The following ADAM18 variants were observed in gnomAD, a reference collection of about 807,000 sequenced individuals.
ADAM18 encodes the protein ADAM metallopeptidase domain 18, also known as disintegrin and metalloproteinase domain-containing protein 18.
Under a neutral mutation model 94.4 loss-of-function variants are expected in ADAM18, and 117 were observed. The ratio of observed to expected loss-of-function variants is 1.24; its 90% CI spans 1.07 to 1.45. ADAM18 has a LOEUF of 1.45. Ranked by LOEUF, ADAM18 falls within the 40% of genes most tolerant of loss-of-function variation. The pLI is 0.00. For synonymous variants in ADAM18, 327 were observed against 291.6 expected (o/e 1.12, Z -1.24); for missense variants, 936 against 880.0 (o/e 1.06, Z -0.81).
chr8:39,657,783 A>T (rs965181650), intron 12 of ADAM18, among the ~76,000 whole-genome samples: 3 of 152,214 alleles, frequency 2.0e-5, no homozygotes, highest in Non-Finnish European at 4.4e-5. Context: ...TGGAAATTGT[A>T]TTTTGAATGA....
At chr8:39,680,701 T>C (rs1009252070) in intron 16 of ADAM18, among the ~76,000 whole-genome samples, 1 of 152,176 alleles carries the variant, frequency 6.6e-6, no homozygotes, top group Non-Finnish European at 1.5e-5. Context: ...CATGAATATA[T>C]ATGAACACTT....
At chr8:39,595,004 A>G (rs908347270) in intron 2 of ADAM18, among the ~76,000 whole-genome samples, 2 of 151,860 alleles carry the variant, frequency 1.3e-5, no homozygotes, top group East Asian at 1.9e-4. Context: ...AGGTCCCCGA[A>G]GCTCTGTGCA....
chr8:39,610,003 C>T (rs946489795), intron 5 of ADAM18, among the ~76,000 whole-genome samples: 1 of 152,016 alleles, frequency 6.6e-6, no homozygotes, highest in African/African-American at 2.4e-5. Flanking sequence ...TGCTGGGAGT[C>T]TCACTTATGA....
intron 2 of ADAM18, 97 bp downstream of exon 2, chr8:39,585,449 C>G (rs1818369946): frequency 1.2e-6 from 1 of 864,598 alleles, no homozygotes; most frequent in African/African-American, 1.7e-5. Context: ...GTATTCATTG[C>G]CAAATCATAA....
In ADAM18 at chr8:39,648,546, A is replaced by C. The variant is rs1563290313; in HGVS notation, c.1230+19A>C. 4 of 1,577,630 alleles carry C rather than the reference A, an allele frequency of 2.5e-6. No individual in the cohort carries two copies. Among genetic ancestry groups the C allele is most frequent in the Non-Finnish European group, 3.4e-6 (4 of 1,161,834 alleles). On this transcript the variant is annotated intron_variant, in intron 12 of 19. Transcript: ENST00000265707. ...TAAAAATGTGAGTAACAAAGATTGA[A>C]ACTCGAGCACAATTTTTATGTTTCT...
At position 39,610,666 on chromosome 8, in the gene ADAM18, G is replaced by A; in HGVS notation, c.482G>A (p.Trp161Ter). Residue 161 changes from tryptophan (W) to a stop codon, truncating the protein, a stop_gained, in exon 6 of 20, where the codon TGG (tryptophan) becomes TAG (stop). Transcript: ENST00000265707. LOFTEE classifies it high-confidence loss of function. ...TTAGCAGTAAATTACAGTCATATTTGGCAGAAAGACCAGCCCTACAAAGTT... is the reference window on the plus strand; with the variant it reads ...TTAGCAGTAAATTACAGTCATATTTAGCAGAAAGACCAGCCCTACAAAGTT... ...SILAVNYSHI[W>*]QKDQPYKVPL... The A allele has an allele frequency of 6.2e-7, 1 of 1,613,144 alleles. No individual in the cohort carries two copies.
chr8:39,728,518 T>C (rs961544343), intron 19 of ADAM18, among the ~76,000 whole-genome samples: 1 of 152,124 alleles, frequency 6.6e-6, no homozygotes, highest in East Asian at 1.9e-4. Flanking sequence ...TTAATTATTA[T>C]CAATTATCAT....
Position 39,591,439 on chromosome 8 carries a change from A to G in ADAM18, c.132+6087A>G, listed in dbSNP as rs544105809. ...TGTAAACTCTTTTTTTGTAATTTTA[A>G]CAGTATTCACAGCATCTTTACTAGG... On this transcript the variant is annotated intron_variant, in intron 2 of 19. Coordinates refer to ENST00000265707, the MANE Select transcript of ADAM18 (RefSeq NM_014237.3). 2.0e-5 allele frequency among the ~76,000 whole-genome samples: 3 copies of G among 152,300 alleles called. No homozygotes were observed. In the South Asian group the frequency reaches 6.2e-4, roughly 32 times the overall value.
intron 6 of ADAM18, among the ~76,000 whole-genome samples, chr8:39,618,330 G>A (rs889816726): frequency 4.6e-5 from 7 of 152,146 alleles, no homozygotes; most frequent in Non-Finnish European, 1.0e-4. Flanking sequence ...AGTTTAGTAA[G>A]GGTGGGGGTA....
At chr8:39,691,963 G>A (rs1267222482) in intron 16 of ADAM18, among the ~76,000 whole-genome samples, 4 of 151,602 alleles carry the variant, frequency 2.6e-5, no homozygotes, top group African/African-American at 9.7e-5. Context: ...TGTTGTGAAC[G>A]ACTTAAACAG....
At position 39,618,725 on chromosome 8, in the gene ADAM18, G is replaced by GC. The variant is rs1313229529; in HGVS notation, c.522+8025dup. Among the ~76,000 whole-genome samples the GC allele has an allele frequency of 1.3e-5, 2 of 152,096 alleles. 1 individual carries two copies. The highest frequency in any genetic ancestry group is 4.1e-4 in the South Asian group (2 of 4,828). ...CCCTTTCTTATCCATATGGACAGGTGCCCCCCATGTGTCCGTTTATAGACT... is the reference window on the plus strand; with the variant it reads ...CCCTTTCTTATCCATATGGACAGGTGCCCCCCCATGTGTCCGTTTATAGACT... On this transcript the variant is annotated intron_variant, in intron 6 of 19. Coordinates refer to ENST00000265707, the MANE Select transcript of ADAM18 (RefSeq NM_014237.3).
At chr8:39,661,496 T>C (rs1056097980) in intron 12 of ADAM18, among the ~76,000 whole-genome samples, 1 of 151,950 alleles carries the variant, frequency 6.6e-6, no homozygotes, top group African/African-American at 2.4e-5. Context: ...ATTTTTATAA[T>C]GTTTCTTTGC....
intron 2 of ADAM18, among the ~76,000 whole-genome samples, chr8:39,603,991 A>G (rs1818986156): frequency 6.6e-6 from 1 of 152,238 alleles, no homozygotes; most frequent in South Asian, 2.1e-4. Context: ...ATAATGATTT[A>G]CTTAAAAATC....
chr8:39,658,142 A>T (rs571927215), intron 12 of ADAM18, among the ~76,000 whole-genome samples: 2 of 152,304 alleles, frequency 1.3e-5, no homozygotes, highest in South Asian at 4.1e-4. Flanking sequence ...GAAATGAAAC[A>T]TTTATAAATC....
At chr8:39,626,369 T>C (rs961831354) in intron 6 of ADAM18, among the ~76,000 whole-genome samples, 2 of 152,082 alleles carry the variant, frequency 1.3e-5, no homozygotes, top group African/African-American at 2.4e-5. Context: ...TTTCATTTCA[T>C]TGATCATTTT....
chr8:39,641,445 G>A (rs1820232588), intron 10 of ADAM18, among the ~76,000 whole-genome samples: 1 of 152,012 alleles, frequency 6.6e-6, no homozygotes, highest in African/African-American at 2.4e-5. Context: ...CAGGTATTAA[G>A]CCTAGTACCC....
At chr8:39,658,795 C>T (rs1298036037) in intron 12 of ADAM18, among the ~76,000 whole-genome samples, 1 of 152,070 alleles carries the variant, frequency 6.6e-6, no homozygotes, top group Non-Finnish European at 1.5e-5. Context: ...AATAACACTG[C>T]ATTAGGGAGG....
At position 39,654,154 on chromosome 8, in the gene ADAM18, C is replaced by CT. The variant is rs1177248372; in HGVS notation, c.1230+5647dup. 1.8e-3 allele frequency among the ~76,000 whole-genome samples: 247 copies of CT among 139,818 alleles called. 1 individual carries two copies. Among genetic ancestry groups the CT allele is most frequent in the East Asian group, 0.013 (61 of 4,694 alleles). 91.7% of individuals were successfully genotyped at this position (139,818 alleles called of 152,430 possible). ...TGCTGCCACTGACAGGATTTCATTC[C>CT]TTTTTTTTTTTTTTTTTTTTGGAGA... is the stretch of plus-strand genomic sequence containing the variant. On this transcript the variant is annotated intron_variant, in intron 12 of 19. Coordinates refer to ENST00000265707, the MANE Select transcript of ADAM18 (RefSeq NM_014237.3).
chr8:39,721,190 A>T (rs1157930723), intron 18 of ADAM18, among the ~76,000 whole-genome samples: 2 of 151,550 alleles, frequency 1.3e-5, no homozygotes. Flanking sequence ...ACCCTATTCA[A>T]TAAATGGTGC....
Sources: allele counts gnomAD v4.1 joint callset (sites outside exome capture counted in the v4.1 genomes callset), GRCh38; gene constraint gnomAD v4.1.1; transcripts MANE v1.5; gene names NCBI Gene and HGNC (gene_info 2026-07-23, HGNC 2026-07-21).